CEP68: variants seen among roughly 807,000 people sequenced by gnomAD.
CEP68 encodes the protein centrosomal protein of 68 kDa.
Under a neutral mutation model 55.3 loss-of-function variants are expected in CEP68, and 26 were observed. That is an observed-to-expected ratio of 0.47 (90% CI 0.34 to 0.65). The LOEUF is 0.65. CEP68 is among the 30% of genes least tolerant of loss of function. The pLI, the probability that CEP68 is intolerant of heterozygous loss-of-function variation, is 0.01. For synonymous variants in CEP68, 402 were observed against 383.2 expected, an observed-to-expected ratio of 1.05 and a Z score of -0.57; for missense variants, 957 against 946.7, an observed-to-expected ratio of 1.01 and a Z score of -0.14.
At chr2:65,074,928 A>G (rs994447615) in intron 4 of CEP68, 11 of 197,382 alleles carry the variant, frequency 5.6e-5, no homozygotes, top group African/African-American at 2.2e-4. Flanking sequence ...AAAGACTCAG[A>G]TTTTTTTATT....
chr2:65,076,386 G>A (rs1676757008), intron 4 of CEP68, among the ~76,000 whole-genome samples: 1 of 152,166 alleles, frequency 6.6e-6, no homozygotes, highest in Non-Finnish European at 1.5e-5. Context: ...AGCTTGCTTT[G>A]TAGGTAGAGC....
chr2:65,084,401 TC>T lies in CEP68; in HGVS notation c.*769del, dbSNP rs1364970211. The T allele has an allele frequency of 1.3e-5, 2 of 152,008 alleles. No individual in the cohort carries two copies. The highest frequency in any genetic ancestry group is 2.9e-5 in the Non-Finnish European group (2 of 68,012). 9.4% of individuals were successfully genotyped at this position (152,008 alleles called of 1,614,324 possible). A position where few individuals can be genotyped will look rare whatever the true frequency, so the allele number is the denominator to read the frequency against. Reference sequence around the variant, plus strand: ...CTCCTAGTCTCCCTTGGAAGAGCAGTCCAGGCTCAGGGAAGGGAACGGATAG... The same window carrying T: ...CTCCTAGTCTCCCTTGGAAGAGCAGTCAGGCTCAGGGAAGGGAACGGATAG... On this transcript the variant is annotated 3_prime_UTR_variant, in exon 7 of 7. Coordinates refer to ENST00000377990, the MANE Select transcript of CEP68 (RefSeq NM_015147.3).
chr2:65,059,898 A>G (rs1430171315), intron 1 of CEP68, among the ~76,000 whole-genome samples: 1 of 152,096 alleles, frequency 6.6e-6, no homozygotes, highest in Non-Finnish European at 1.5e-5. Flanking sequence ...CCTAGTATCT[A>G]CATTTGCTTT....
chr2:65,077,886 G>T lies in CEP68; in HGVS notation c.2026G>T (p.Asp676Tyr). 6.2e-7 allele frequency: 1 copy of T among 1,613,452 alleles called. No individual in the cohort carries two copies. The highest frequency in any genetic ancestry group is 2.2e-5 in the East Asian group (1 of 44,872). ...CCTTAAGCAATTTAAGAAAGATATA[G>T]ATGAACATCAGTCTCTGACGGAGAG... ...QLYRQFKKDI[D>Y]EHQSLTESVL... The change falls in exon 5 of 7, where the codon GAT becomes TAT. Residue 676 changes from aspartate to tyrosine, a missense_variant. Coordinates refer to ENST00000377990, the MANE Select transcript of CEP68 (RefSeq NM_015147.3).
At chr2:65,080,138 A>T in intron 5 of CEP68, 1 of 719,552 alleles carries the variant, frequency 1.4e-6, no homozygotes, top group Non-Finnish European at 1.7e-6. Context: ...CTTCTCAAAA[A>T]AAAAAAAGGC....
Position 65,068,262 on chromosome 2 carries a change from G to T in CEP68, c.-46-1137G>T, listed in dbSNP as rs1204421832. Among the ~76,000 whole-genome samples the T allele has an allele frequency of 2.6e-5, 4 of 152,078 alleles. 1 individual carries two copies. The South Asian group carries it at 8.3e-4, about 32-fold the overall frequency. On this transcript the variant is annotated intron_variant, in intron 1 of 6. Transcript: ENST00000377990. ...ACCAGGGCTCTCAGCATCAACTTTT[G>T]CTGGCATGCTTAGGCTGAGGGTGAT...
intron 6 of CEP68, among the ~76,000 whole-genome samples, chr2:65,083,291 T>C (rs1406763527): frequency 6.6e-6 from 1 of 152,338 alleles, no homozygotes; most frequent in East Asian, 1.9e-4. Context: ...ACTTAACTGG[T>C]AGTACAACTT....
intron 1 of CEP68, among the ~76,000 whole-genome samples, chr2:65,058,114 G>C (rs990855005): frequency 6.6e-6 from 1 of 152,196 alleles, no homozygotes; most frequent in African/African-American, 2.4e-5. Flanking sequence ...GCAGTCGTTA[G>C]GAGAAAAATA....
intron 1 of CEP68, among the ~76,000 whole-genome samples, chr2:65,062,987 A>G (rs902409139): frequency 1.3e-5 from 2 of 152,142 alleles, no homozygotes; most frequent in African/African-American, 4.8e-5. Context: ...TCCATCTTGG[A>G]CAGAAGTGAG....
At chr2:65,081,083 C>T (rs1345096116) in intron 5 of CEP68, among the ~76,000 whole-genome samples, 1 of 151,902 alleles carries the variant, frequency 6.6e-6, no homozygotes, top group East Asian at 1.9e-4. Context: ...TGGTGGTGGG[C>T]GCCAGTAATT....
intron 1 of CEP68, among the ~76,000 whole-genome samples, chr2:65,056,941 T>G (rs1675639364): frequency 6.6e-6 from 1 of 152,218 alleles, no homozygotes; most frequent in Admixed American, 6.5e-5. Context: ...GTGGGCTGTT[T>G]ACCCAGCTCC....
rs372884555 is a variant in CEP68, at chr2:65,071,720, G to A, written c.624G>A (p.Gln208=). The change falls in exon 3 of 7, where the codon CAG becomes CAA. Residue 208 remains glutamine, a synonymous_variant. Coordinates refer to ENST00000377990, the MANE Select transcript of CEP68 (RefSeq NM_015147.3). The part of the protein sequence containing the change: ...ISASSTGSSL[Q]GHQERAEPRG... ...CTTCCTCCACAGGCAGCAGTCTCCA[G>A]GGTCACCAGGAGAGGGCGGAGCCTC... The A allele has an allele frequency of 2.3e-5, 37 of 1,613,942 alleles. No homozygotes were observed. The highest frequency in any genetic ancestry group is 1.6e-4 in the Middle Eastern group (1 of 6,084).
intron 6 of CEP68, among the ~76,000 whole-genome samples, chr2:65,083,302 T>A (rs1383050092): frequency 6.6e-6 from 1 of 152,218 alleles, no homozygotes; most frequent in Admixed American, 6.5e-5. Context: ...AGTACAACTT[T>A]CTTTTGCTCC....
At position 65,072,604 on chromosome 2, in the gene CEP68, C is replaced by A; in HGVS notation, c.1508C>A (p.Ser503Tyr). The change falls in exon 3 of 7, where the codon TCT becomes TAT. Residue 503 changes from serine to tyrosine, a missense_variant. Ser to Tyr is a moderately radical substitution (Grantham distance 144). Coordinates refer to ENST00000377990, the MANE Select transcript of CEP68 (RefSeq NM_015147.3). ...CTGGTTTCGTATCTAGGATCCATTT[C>A]TACCTTGGTTACCCTGCCCACTGGG... ...SSLVSYLGSI[S>Y]TLVTLPTGDI... 6.2e-7 allele frequency: 1 copy of A among 1,614,140 alleles called. No homozygotes were observed. Among genetic ancestry groups the A allele is most frequent in the Non-Finnish European group, 8.5e-7 (1 of 1,180,010 alleles).
intron 1 of CEP68, among the ~76,000 whole-genome samples, chr2:65,067,078 A>C (rs576981972): frequency 3.4e-5 from 5 of 147,632 alleles, no homozygotes; most frequent in Admixed American, 1.4e-4. Context: ...CTTTTATGTA[A>C]AAAAAAAAAG....
At position 65,077,853 on chromosome 2, in the gene CEP68, C is replaced by A. The variant is rs748048178; in HGVS notation, c.2008-15C>A. The A allele has an allele frequency of 3.8e-6, 6 of 1,588,226 alleles. No individual in the cohort carries two copies. The highest frequency in any genetic ancestry group is 1.7e-6 in the Non-Finnish European group (2 of 1,163,368). On this transcript the variant is annotated splice_polypyrimidine_tract_variant and intron_variant, in intron 4 of 6. Transcript: ENST00000377990. ...AACGAAGCTTCTGCCTTTTCTTTTTCTGATACGCCTTAAGCAATTTAAGAA... is the reference window on the plus strand; with the variant it reads ...AACGAAGCTTCTGCCTTTTCTTTTTATGATACGCCTTAAGCAATTTAAGAA...
At chr2:65,071,338 T>G in intron 2 of CEP68, 116 bp from the exon 3 acceptor site, 1 of 841,770 alleles carries the variant, frequency 1.2e-6, no homozygotes. Flanking sequence ...ACTTTGCATT[T>G]TAAGGTCTTT....
chr2:65,079,437 G>C (rs1431903033), intron 5 of CEP68, among the ~76,000 whole-genome samples: 4 of 152,220 alleles, frequency 2.6e-5, no homozygotes, highest in Non-Finnish European at 5.9e-5. Context: ...CTAGGGTTGA[G>C]AGGCATCAGT....
chr2:65,075,534 G>C (rs968374988), intron 4 of CEP68, among the ~76,000 whole-genome samples: 1 of 152,102 alleles, frequency 6.6e-6, no homozygotes, highest in Admixed American at 6.5e-5. Flanking sequence ...TGTTAACTTG[G>C]TCCTAGATTT....
Sources: gnomAD v4.1 joint callset for allele counts (sites outside exome capture counted in the v4.1 genomes callset) on GRCh38, gnomAD v4.1.1 for gene constraint, MANE v1.5 for transcripts, NCBI Gene and HGNC (gene_info 2026-07-23, HGNC 2026-07-21) for gene names.